Variants in RABGAP1L observed in about 807,000 individuals in gnomAD.
The protein encoded by RABGAP1L is RAB GTPase activating protein 1 like, also known as rab GTPase-activating protein 1-like.
Under a neutral mutation model 137.7 loss-of-function variants are expected in RABGAP1L, and 63 were observed. That is an observed-to-expected ratio of 0.46 (90% confidence interval 0.37 to 0.56). The LOEUF (loss-of-function observed/expected upper bound fraction) is 0.56. Among genes scored for constraint, RABGAP1L ranks in the 20% least tolerant of loss-of-function variants. The pLI is 0.00. For synonymous variants in RABGAP1L, 431 were observed against 433.7 expected, an observed-to-expected ratio of 0.99 and a Z score of 0.08; for missense variants, 1,095 against 1,244.0, an observed-to-expected ratio of 0.88 and a Z score of 1.80.
At chr1:174,269,778 C>A (rs896258806) in intron 7 of RABGAP1L, among the ~76,000 whole-genome samples, 1 of 152,096 alleles carries the variant, frequency 6.6e-6, no homozygotes, top group African/African-American at 2.4e-5. Context: ...CGAATGATAT[C>A]AGATTCTAAT....
At chr1:174,732,674 A>G (rs1347951166) in intron 17 of RABGAP1L, among the ~76,000 whole-genome samples, 1 of 152,214 alleles carries the variant, frequency 6.6e-6, no homozygotes, top group Non-Finnish European at 1.5e-5. Flanking sequence ...ATAATATAGT[A>G]AAAAGAACAG....
At chr1:174,368,703 G>T (rs1200932892) in intron 11 of RABGAP1L, among the ~76,000 whole-genome samples, 3 of 152,022 alleles carry the variant, frequency 2.0e-5, no homozygotes, top group Non-Finnish European at 2.9e-5. Flanking sequence ...TTTGTCAAAT[G>T]TTGGAAATTT....
At chr1:174,873,433 C>T (rs906757353) in intron 19 of RABGAP1L, among the ~76,000 whole-genome samples, 3 of 151,210 alleles carry the variant, frequency 2.0e-5, no homozygotes, top group African/African-American at 4.9e-5. Context: ...TTATGGGTGA[C>T]GTGATGAGAA....
At chr1:174,536,496 A>G (rs1170141552) in intron 13 of RABGAP1L, among the ~76,000 whole-genome samples, 1 of 152,122 alleles carries the variant, frequency 6.6e-6, no homozygotes, top group Admixed American at 6.6e-5. Context: ...AAGAAAAATA[A>G]GCATTCTTAT....
chr1:174,455,793 T>C (rs995922371), intron 13 of RABGAP1L, among the ~76,000 whole-genome samples: 15 of 152,150 alleles, frequency 9.9e-5, no homozygotes, highest in Admixed American at 2.0e-4. Flanking sequence ...TTTGAACATA[T>C]ATAATGCTCT....
chr1:174,675,748 G>T (rs1677573685), intron 14 of RABGAP1L, among the ~76,000 whole-genome samples: 1 of 152,148 alleles, frequency 6.6e-6, no homozygotes. Flanking sequence ...TGTGATTCAG[G>T]CCACGTGCTG....
chr1:174,625,246 C>G (rs958800555), intron 13 of RABGAP1L, among the ~76,000 whole-genome samples: 3 of 152,132 alleles, frequency 2.0e-5, no homozygotes, highest in Admixed American at 2.0e-4. Flanking sequence ...TTCCCTACTA[C>G]CAGATTATAG....
chr1:174,514,152 T>G (rs1435531332), intron 13 of RABGAP1L, among the ~76,000 whole-genome samples: 1 of 151,290 alleles, frequency 6.6e-6, no homozygotes, highest in Non-Finnish European at 1.5e-5. Flanking sequence ...GATAAGAAGT[T>G]GCTTCTGGAA....
At chr1:174,539,599 A>G (rs990120009) in intron 13 of RABGAP1L, among the ~76,000 whole-genome samples, 8 of 152,166 alleles carry the variant, frequency 5.3e-5, no homozygotes, top group East Asian at 1.9e-4. Flanking sequence ...AGCTTCATCC[A>G]TGTACCCACA....
chr1:174,170,532 A>G (rs1360064980), intron 1 of RABGAP1L, among the ~76,000 whole-genome samples: 1 of 151,922 alleles, frequency 6.6e-6, no homozygotes, highest in Non-Finnish European at 1.5e-5. Context: ...AAAATTAACC[A>G]GGCGTGGTGG....
chr1:174,425,742 G>A (rs1441329471), intron 13 of RABGAP1L, among the ~76,000 whole-genome samples: 1 of 151,914 alleles, frequency 6.6e-6, no homozygotes, highest in Non-Finnish European at 1.5e-5. Context: ...AATAATTGAA[G>A]TTTCTTTTAA....
chr1:174,845,192 CT>C lies in RABGAP1L; in HGVS notation c.2340+33236del, dbSNP rs556894772. 1.8e-3 allele frequency among the ~76,000 whole-genome samples: 204 copies of C among 114,350 alleles called. 2 individuals are homozygous for C. Among genetic ancestry groups the C allele is most frequent in the African/African-American group, 5.2e-3 (190 of 36,850 alleles). The allele number at this position is 114,350 out of a possible 152,430, so 75.0% of individuals were successfully genotyped here. ...GCAAACAGGGACAATTTGACTTCCT[CT>C]TTTCCTAATTGAATACCTTTTATTT... On this transcript the variant is annotated intron_variant, in intron 19 of 25. Coordinates refer to ENST00000681986, the MANE Select transcript of RABGAP1L (RefSeq NM_001366446.1).
At chr1:174,621,747 A>G (rs1394328016) in intron 13 of RABGAP1L, among the ~76,000 whole-genome samples, 1 of 152,158 alleles carries the variant, frequency 6.6e-6, no homozygotes, top group East Asian at 1.9e-4. Flanking sequence ...AACCATAAAA[A>G]CCCTAGAAGA....
chr1:174,462,719 T>C (rs1656826649), intron 13 of RABGAP1L, among the ~76,000 whole-genome samples: 1 of 152,152 alleles, frequency 6.6e-6, no homozygotes, highest in East Asian at 1.9e-4. Flanking sequence ...GTGTCTGTTG[T>C]TCCAATCTTT....
At chr1:174,416,585 G>A (rs1263884858) in intron 13 of RABGAP1L, among the ~76,000 whole-genome samples, 1 of 152,080 alleles carries the variant, frequency 6.6e-6, no homozygotes, top group Admixed American at 6.6e-5. Context: ...CCTGGAACAA[G>A]CCATGCTGCT....
chr1:174,559,910 C>G (rs1003251823), intron 13 of RABGAP1L, among the ~76,000 whole-genome samples: 1 of 152,108 alleles, frequency 6.6e-6, no homozygotes, highest in South Asian at 2.1e-4. Context: ...CCTAGGAGGG[C>G]AGATCATGAG....
chr1:174,711,229 C>T (rs1680479348), intron 17 of RABGAP1L, among the ~76,000 whole-genome samples: 1 of 152,174 alleles, frequency 6.6e-6, no homozygotes. Flanking sequence ...CCCTCCACAC[C>T]TCCCTGCAAG....
chr1:174,623,415 A>G (rs1254084838), intron 13 of RABGAP1L, among the ~76,000 whole-genome samples: 1 of 152,174 alleles, frequency 6.6e-6, no homozygotes, highest in Non-Finnish European at 1.5e-5. Flanking sequence ...TTCATAATTA[A>G]TTAAACATGC....
intron 13 of RABGAP1L, among the ~76,000 whole-genome samples, chr1:174,407,136 GA>G (rs1206173926): frequency 6.6e-6 from 1 of 151,934 alleles, no homozygotes; most frequent in Non-Finnish European, 1.5e-5. Context: ...CGGCTGAGGT[GA>G]AAAAAGGGAT....
Sources: gnomAD v4.1 joint callset for allele counts (sites outside exome capture counted in the v4.1 genomes callset) on GRCh38, gnomAD v4.1.1 for gene constraint, MANE v1.5 for transcripts, NCBI Gene and HGNC (gene_info 2026-07-23, HGNC 2026-07-21) for gene names.